SAMSN1: variants seen among roughly 807,000 people sequenced by gnomAD.
SAMSN1 encodes the protein SAM domain-containing protein SAMSN-1.
SAMSN1 carries 31 observed loss-of-function variants against 42.0 expected under a neutral mutation model. That is an observed-to-expected ratio of 0.74 (90% CI 0.55 to 1.00). The LOEUF (loss-of-function observed/expected upper bound fraction) is 1.00. SAMSN1 is among the 50% of genes least tolerant of loss of function. SAMSN1 has a pLI of 0.00. For synonymous variants in SAMSN1, 178 were observed against 151.9 expected (o/e 1.17, Z -1.26); for missense variants, 464 against 439.4 (o/e 1.06, Z -0.50).
intron 7 of SAMSN1, among the ~76,000 whole-genome samples, chr21:14,491,062 C>G (rs1051958909): frequency 6.6e-6 from 1 of 152,126 alleles, no homozygotes; most frequent in Non-Finnish European, 1.5e-5. Context: ...TTGGTAATGA[C>G]CAAATAACGT....
chr21:14,519,155 A>G (rs557821703), intron 2 of SAMSN1, among the ~76,000 whole-genome samples: 9 of 152,248 alleles, frequency 5.9e-5, no homozygotes, highest in East Asian at 1.9e-4. Flanking sequence ...GTCTTCCCCT[A>G]TAGACTCCAG....
intron 6 of SAMSN1, among the ~76,000 whole-genome samples, chr21:14,599,569 T>G (rs1982374382): frequency 6.6e-6 from 1 of 152,194 alleles, no homozygotes; most frequent in African/African-American, 2.4e-5. Flanking sequence ...GTTTGGGTTA[T>G]GGGGCTGAAT....
intron 1 of SAMSN1, among the ~76,000 whole-genome samples, chr21:14,651,440 T>C (rs1352688666): frequency 6.6e-6 from 1 of 152,010 alleles, no homozygotes; most frequent in African/African-American, 2.4e-5. Context: ...AACAATATTA[T>C]TATATCAATT....
chr21:14,555,575 C>T (rs1980739108), intron 2 of SAMSN1, among the ~76,000 whole-genome samples: 2 of 152,134 alleles, frequency 1.3e-5, no homozygotes, highest in Admixed American at 1.3e-4. Context: ...AAGCAACACA[C>T]ACAGATGAAG....
In SAMSN1 at chr21:14,580,913, A is replaced by C. The variant is rs545139573; in HGVS notation, c.261+1223T>G. 5.9e-5 allele frequency among the ~76,000 whole-genome samples: 9 copies of C among 152,342 alleles called. No homozygotes were observed. The East Asian group carries it at 1.7e-3, about 29-fold the overall frequency. On this transcript the variant is annotated intron_variant, in intron 2 of 8. Coordinates refer to the SAMSN1 transcript ENST00000285670. ...CACATGACCAGAGGAGCTGTAGGTAAAGTTATAAAACATGCCTTGAGCAAT... is the reference window on the plus strand; with the variant it reads ...CACATGACCAGAGGAGCTGTAGGTACAGTTATAAAACATGCCTTGAGCAAT...
intron 1 of SAMSN1, among the ~76,000 whole-genome samples, chr21:14,538,140 A>G (rs954383775): frequency 3.9e-5 from 6 of 152,168 alleles, no homozygotes; most frequent in African/African-American, 1.4e-4. Flanking sequence ...TTGTTTTTGG[A>G]GCGGACGGAG....
chr21:14,638,525 T>C (rs1983520435), intron 2 of SAMSN1, among the ~76,000 whole-genome samples: 1 of 152,170 alleles, frequency 6.6e-6, no homozygotes, highest in African/African-American at 2.4e-5. Context: ...TTCTACTGTC[T>C]CCTTTATTTT....
rs145085177 is a variant in SAMSN1 at position 14,544,295 on chromosome 21, C to T, written c.57+1910G>A. 4.4e-3 allele frequency among the ~76,000 whole-genome samples: 672 copies of T among 152,296 alleles called. 7 individuals carry two copies. Among genetic ancestry groups the T allele is most frequent in the African/African-American group, 0.015 (627 of 41,564 alleles). Reference sequence around the variant, plus strand: ...GGAACTCCTGAACTCAAGTGATTTACGCACCTCGGCCCTGCAAAGTGCTGG... The same window carrying T: ...GGAACTCCTGAACTCAAGTGATTTATGCACCTCGGCCCTGCAAAGTGCTGG... On this transcript the variant is annotated intron_variant, in intron 1 of 7. Coordinates refer to ENST00000400566, the MANE Select transcript of SAMSN1 (RefSeq NM_022136.5).
intron 1 of SAMSN1, among the ~76,000 whole-genome samples, chr21:14,541,532 G>A (rs1482560287): frequency 6.6e-6 from 1 of 151,978 alleles, no homozygotes; most frequent in Non-Finnish European, 1.5e-5. Flanking sequence ...TTGTTTGTTT[G>A]TTTGTTTTTA....
intron 2 of SAMSN1, among the ~76,000 whole-genome samples, chr21:14,633,911 GC>G (rs1983396082): frequency 6.6e-6 from 1 of 152,100 alleles, no homozygotes; most frequent in Non-Finnish European, 1.5e-5. Context: ...TTAAAACTAT[GC>G]TTGAATCTGC....
Position 14,517,015 on chromosome 21 carries a change from T to A in SAMSN1, c.156A>T (p.Gly52=), listed in dbSNP as rs375144288. The A allele has an allele frequency of 6.2e-6, 10 of 1,613,088 alleles. No individual in the cohort carries two copies. The African/African-American group carries it at 1.2e-4, about 19-fold the overall frequency. The change falls in exon 3 of 8, where the codon GGA becomes GGT. Residue 52 remains glycine (G), a synonymous_variant. Transcript: ENST00000400566. ...TTGAAGTTTTACTTTGTTCTCCACTTCCATTTGTGGGATCTCCTTCATGTG... is the reference window on the plus strand; with the variant it reads ...TTGAAGTTTTACTTTGTTCTCCACTACCATTTGTGGGATCTCCTTCATGTG... ...TEAHEGDPTN[G]SGEQSKTSNN...
chr21:14,525,748 T>C (rs1978806604), intron 1 of SAMSN1, among the ~76,000 whole-genome samples: 1 of 152,242 alleles, frequency 6.6e-6, no homozygotes, highest in Non-Finnish European at 1.5e-5. Context: ...ATTTTACTAC[T>C]CTCTAATTTT....
chr21:14,614,191 CT>C (rs1274444312), intron 3 of SAMSN1, among the ~76,000 whole-genome samples: 3 of 152,084 alleles, frequency 2.0e-5, no homozygotes, highest in Non-Finnish European at 4.4e-5. Context: ...TGTGATTATG[CT>C]TTTTAAAAAA....
intron 2 of SAMSN1, among the ~76,000 whole-genome samples, chr21:14,633,248 G>T (rs1465588676): frequency 6.6e-6 from 1 of 151,678 alleles, no homozygotes; most frequent in Non-Finnish European, 1.5e-5. Flanking sequence ...TATTACTTCT[G>T]TTTCTCTAGA....
chr21:14,612,129 G>C (rs550689471), intron 4 of SAMSN1, among the ~76,000 whole-genome samples: 2 of 152,194 alleles, frequency 1.3e-5, no homozygotes, highest in Admixed American at 6.5e-5. Context: ...GCTACTCTGG[G>C]GGCTGAGGCA....
intron 2 of SAMSN1, among the ~76,000 whole-genome samples, chr21:14,520,591 A>C (rs778515065): frequency 3.0e-4 from 46 of 152,108 alleles, no homozygotes; most frequent in Non-Finnish European, 6.2e-4. Context: ...ACTGATAGAG[A>C]CAGGAAACAG....
chr21:14,551,539 T>C (rs1480372316), intron 2 of SAMSN1, among the ~76,000 whole-genome samples: 1 of 152,074 alleles, frequency 6.6e-6, no homozygotes, highest in African/African-American at 2.4e-5. Flanking sequence ...CTTCAATAAA[T>C]TATAAGTATT....
chr21:14,616,219 CT>C (rs980477780), intron 2 of SAMSN1, among the ~76,000 whole-genome samples: 3 of 151,816 alleles, frequency 2.0e-5, no homozygotes, highest in East Asian at 1.9e-4. Context: ...CACATTTTAA[CT>C]TTTTTTTCCC....
chr21:14,500,616 T>C lies in SAMSN1; in HGVS notation c.681A>G (p.Ala227=), dbSNP rs1987111167. ...IYVDVISEEE[A]APKKIKANRR... Reference sequence around the variant, plus strand: ...GGTTTGCCTTTATTTTCTTGGGGGCTGCTTCCTCTTCTGAGATGACATCCA... The same window carrying C: ...GGTTTGCCTTTATTTTCTTGGGGGCCGCTTCCTCTTCTGAGATGACATCCA... Residue 227 remains alanine (A), a synonymous_variant, in exon 6 of 8, where the codon GCA becomes GCG. Coordinates refer to ENST00000400566, the MANE Select transcript of SAMSN1 (RefSeq NM_022136.5). 6.2e-7 allele frequency: 1 copy of C among 1,614,194 alleles called. No individual in the cohort carries two copies. Among genetic ancestry groups the C allele is most frequent in the Non-Finnish European group, 8.5e-7 (1 of 1,180,010 alleles).
Sources: gnomAD v4.1 joint callset for allele counts (sites outside exome capture counted in the v4.1 genomes callset) on GRCh38, gnomAD v4.1.1 for gene constraint, MANE v1.5 for transcripts, NCBI Gene and HGNC (gene_info 2026-07-23, HGNC 2026-07-21) for gene names.